Variants in UCK2 observed in about 807,000 individuals in gnomAD.
The protein encoded by UCK2 is uridine-cytidine kinase 2.
In UCK2, 6 loss-of-function variants were observed where a neutral mutation model predicts 30.8. That is an observed-to-expected ratio of 0.19 (90% CI 0.11 to 0.38). UCK2 has a LOEUF of 0.38. Ranked by LOEUF, UCK2 falls within the 10% of genes least tolerant of loss-of-function variation. UCK2 has a pLI of 1.00. For synonymous variants in UCK2, 125 were observed against 133.6 expected (o/e 0.94, Z 0.45); for missense variants, 210 against 339.8 (o/e 0.62, Z 3.00).
chr1:165,905,867 C>T lies in UCK2; in HGVS notation c.598-54C>T, dbSNP rs531795632. On this transcript the variant is annotated intron_variant, in intron 5 of 6. Transcript: ENST00000367879. ...CCCCATATTCCCTTGGAGAGGGTCT[C>T]GGGCCAGTTGTCTCTTAACTGTATT... 190 of 1,559,226 alleles carry T rather than the reference C, an allele frequency of 1.2e-4. 1 individual carries two copies. The highest frequency in any genetic ancestry group is 4.7e-4 in the East Asian group (21 of 44,614).
chr1:165,895,888 C>A, intron 3 of UCK2: 1 of 261,862 alleles, frequency 3.8e-6, no homozygotes. Context: ...TGCCTTTATT[C>A]TTCATTCAAC....
At chr1:165,840,012 G>A (rs957914979) in intron 1 of UCK2, among the ~76,000 whole-genome samples, 1 of 151,470 alleles carries the variant, frequency 6.6e-6, no homozygotes, top group Non-Finnish European at 1.5e-5. Context: ...AGCCTCTGCC[G>A]GGTTCAAGCA....
rs375991515 is a variant in UCK2, at chr1:165,870,862, G to A, written c.100-19342G>A. ...AGAAGGAGTTTTGCTCTGTTGCCCC[G>A]GCTGGGGTGCAGTGGCACGATCTTG... is the stretch of plus-strand genomic sequence containing the variant. On this transcript the variant is annotated intron_variant, in intron 1 of 6. Coordinates refer to ENST00000367879, the MANE Select transcript of UCK2 (RefSeq NM_012474.5). 9.8e-5 allele frequency among the ~76,000 whole-genome samples: 15 copies of A among 152,296 alleles called. No individual in the cohort carries two copies. The South Asian group carries it at 1.7e-3, about 17-fold the overall frequency.
chr1:165,835,792 A>G lies in UCK2; in HGVS notation c.99+7860A>G, dbSNP rs535640257. 3.3e-5 allele frequency among the ~76,000 whole-genome samples: 5 copies of G among 152,288 alleles called. No homozygotes were observed. In the East Asian group the frequency reaches 9.6e-4, roughly 29 times the overall value. On this transcript the variant is annotated intron_variant, in intron 1 of 6. Coordinates refer to ENST00000367879, the MANE Select transcript of UCK2 (RefSeq NM_012474.5). ...TATTAATTTAATTTCATTTATTTTTATGCTTGAAAATATTTTATTGGTCGT... is the reference window on the plus strand; with the variant it reads ...TATTAATTTAATTTCATTTATTTTTGTGCTTGAAAATATTTTATTGGTCGT...
intron 1 of UCK2, among the ~76,000 whole-genome samples, chr1:165,848,976 G>A (rs1654525085): frequency 6.6e-6 from 1 of 152,110 alleles, no homozygotes; most frequent in African/African-American, 2.4e-5. Context: ...GAATGATGGA[G>A]CTGGGTGCGG....
intron 1 of UCK2, among the ~76,000 whole-genome samples, chr1:165,859,278 T>C (rs984541580): frequency 6.6e-6 from 1 of 152,096 alleles, no homozygotes; most frequent in Non-Finnish European, 1.5e-5. Flanking sequence ...TTTCTGGATG[T>C]CTAGAGGAGG....
chr1:165,851,884 C>T (rs1225097557), intron 1 of UCK2, among the ~76,000 whole-genome samples: 2 of 152,164 alleles, frequency 1.3e-5, no homozygotes, highest in African/African-American at 4.8e-5. Flanking sequence ...AGGATGATGG[C>T]TTCCAGCTTC....
intron 1 of UCK2, among the ~76,000 whole-genome samples, chr1:165,852,581 C>T (rs1357615205): frequency 6.6e-6 from 1 of 152,170 alleles, no homozygotes; most frequent in African/African-American, 2.4e-5. Context: ...GCTGACGAGA[C>T]TGTGGAGAAA....
intron 1 of UCK2, among the ~76,000 whole-genome samples, chr1:165,864,193 C>T (rs1347270462): frequency 6.6e-6 from 1 of 152,168 alleles, no homozygotes; most frequent in Non-Finnish European, 1.5e-5. Context: ...GGTGATCCAC[C>T]CGCCTTGGCC....
intron 1 of UCK2, among the ~76,000 whole-genome samples, chr1:165,868,692 T>C (rs1400234339): frequency 6.6e-6 from 1 of 152,230 alleles, no homozygotes; most frequent in Non-Finnish European, 1.5e-5. Context: ...TAGGCTTTGG[T>C]TCAAGGGAAT....
chr1:165,838,888 A>T (rs1259849827), intron 1 of UCK2, among the ~76,000 whole-genome samples: 1 of 152,130 alleles, frequency 6.6e-6, no homozygotes, highest in Non-Finnish European at 1.5e-5. Context: ...TCTCTACTAA[A>T]AATACAAAAA....
intron 1 of UCK2, among the ~76,000 whole-genome samples, chr1:165,868,147 A>G (rs6686824): frequency 9.6e-4 from 146 of 152,322 alleles, no homozygotes; most frequent in Middle Eastern, 3.4e-3. Context: ...TTTATGAGCA[A>G]TAGGTCTCAA....
intron 1 of UCK2, among the ~76,000 whole-genome samples, chr1:165,828,922 C>G (rs979393272): frequency 1.3e-5 from 2 of 152,126 alleles, no homozygotes; most frequent in African/African-American, 4.8e-5. Flanking sequence ...TCAAGGGATC[C>G]TGAGAGCTGG....
At chr1:165,840,923 A>G (rs1456441329) in intron 1 of UCK2, among the ~76,000 whole-genome samples, 1 of 152,192 alleles carries the variant, frequency 6.6e-6, no homozygotes, top group Non-Finnish European at 1.5e-5. Flanking sequence ...TCAATGAATT[A>G]TCATATGGTG....
At chr1:165,906,165 T>TA (rs1339649203) in intron 6 of UCK2, among the ~76,000 whole-genome samples, 196 bp downstream of exon 6, 1 of 152,168 alleles carries the variant, frequency 6.6e-6, no homozygotes, top group Non-Finnish European at 1.5e-5. Flanking sequence ...ACCCATGTGT[T>TA]ACGGGGACAG....
At chr1:165,863,285 A>G (rs1200174326) in intron 1 of UCK2, among the ~76,000 whole-genome samples, 1 of 152,218 alleles carries the variant, frequency 6.6e-6, no homozygotes, top group South Asian at 2.1e-4. Flanking sequence ...AGAACAAGCC[A>G]TGTTGGCCAT....
chr1:165,841,479 C>T (rs1047261820), intron 1 of UCK2, among the ~76,000 whole-genome samples: 3 of 152,166 alleles, frequency 2.0e-5, no homozygotes, highest in Admixed American at 6.5e-5. Flanking sequence ...AGCCACCGCG[C>T]CTGGCCTGTA....
intron 1 of UCK2, among the ~76,000 whole-genome samples, chr1:165,877,356 G>A (rs982767934): frequency 2.0e-5 from 3 of 152,076 alleles, no homozygotes; most frequent in Admixed American, 6.5e-5. Flanking sequence ...AAAAGACACC[G>A]GGATGTTGAC....
chr1:165,878,895 T>C (rs1284956373), intron 1 of UCK2, among the ~76,000 whole-genome samples: 1 of 152,254 alleles, frequency 6.6e-6, no homozygotes, highest in Non-Finnish European at 1.5e-5. Context: ...ACTGCCAAAT[T>C]GTCTTCCAAA....
Sources: gnomAD v4.1 joint callset for allele counts (sites outside exome capture counted in the v4.1 genomes callset) on GRCh38, gnomAD v4.1.1 for gene constraint, MANE v1.5 for transcripts, NCBI Gene and HGNC (gene_info 2026-07-23, HGNC 2026-07-21) for gene names.